The following SULF1 variants were observed in gnomAD, a reference collection of about 807,000 sequenced individuals.
SULF1 encodes sulfatase 1.
SULF1 carries 46 observed loss-of-function variants against 110.5 expected under a neutral mutation model. That is an observed-to-expected ratio of 0.42 (90% CI 0.33 to 0.53). SULF1 has a LOEUF of 0.53. SULF1 is among the 20% of genes least tolerant of loss of function. The pLI, the probability that SULF1 is intolerant of heterozygous loss-of-function variation, is 0.12. For missense variants in SULF1, 941 were observed against 1,094.2 expected (o/e 0.86, Z 1.98); for synonymous variants, 371 against 387.1 (o/e 0.96, Z 0.49).
At position 69,650,305 on chromosome 8, in the gene SULF1, C is replaced by T. The variant is rs190880860; in HGVS notation, c.2586-8200C>T. ...TCATGAACCATCGTGCCTGGCTCCTCCTGCATTTCTTAGGTAGTATTGTAC... is the reference window on the plus strand; with the variant it reads ...TCATGAACCATCGTGCCTGGCTCCTTCTGCATTTCTTAGGTAGTATTGTAC... On this transcript the variant is annotated intron_variant, in intron 22 of 22. Transcript: ENST00000402687. 2.7e-3 allele frequency among the ~76,000 whole-genome samples: 414 copies of T among 152,156 alleles called. 2 individuals carry two copies. The highest frequency in any genetic ancestry group is 9.5e-3 in the African/African-American group (396 of 41,512).
intron 8 of SULF1, among the ~76,000 whole-genome samples, chr8:69,593,299 A>G (rs1424418068): frequency 1.3e-5 from 2 of 152,222 alleles, no homozygotes; most frequent in African/African-American, 4.8e-5. Flanking sequence ...CAGCTTCCTT[A>G]GCGAAAACAT....
intron 3 of SULF1, among the ~76,000 whole-genome samples, chr8:69,527,857 C>T (rs1302802372): frequency 6.6e-6 from 1 of 152,022 alleles, no homozygotes; most frequent in Admixed American, 6.6e-5. Flanking sequence ...AACCAAATTC[C>T]TATGTGTTTC....
intron 3 of SULF1, among the ~76,000 whole-genome samples, chr8:69,532,143 C>T (rs1813129979): frequency 6.6e-6 from 1 of 152,122 alleles, no homozygotes; most frequent in Non-Finnish European, 1.5e-5. Context: ...GGCTATTCTT[C>T]GTTAAATAAA....
intron 5 of SULF1, among the ~76,000 whole-genome samples, chr8:69,569,127 A>G (rs529849167): frequency 1.3e-5 from 2 of 152,274 alleles, no homozygotes; most frequent in East Asian, 1.9e-4. Context: ...TCAACATGGC[A>G]TTTCTTACAT....
intron 8 of SULF1, among the ~76,000 whole-genome samples, chr8:69,591,942 C>A (rs1316776904): frequency 6.6e-6 from 1 of 152,178 alleles, no homozygotes; most frequent in African/African-American, 2.4e-5. Flanking sequence ...GTAACTTTGC[C>A]CCAACCTCTG....
intron 22 of SULF1, among the ~76,000 whole-genome samples, chr8:69,645,914 A>C (rs1483106368): frequency 6.6e-6 from 1 of 151,766 alleles, no homozygotes; most frequent in South Asian, 2.1e-4. Context: ...ATTATTATTT[A>C]TATTAATTCT....
At chr8:69,539,878 C>T (rs1180451347) in intron 3 of SULF1, among the ~76,000 whole-genome samples, 2 of 152,154 alleles carry the variant, frequency 1.3e-5, no homozygotes, top group Non-Finnish European at 2.9e-5. Flanking sequence ...TTTTTAATAA[C>T]AGGGCTGTTG....
At chr8:69,626,532 G>C (rs554466766) in intron 15 of SULF1, among the ~76,000 whole-genome samples, 2 of 152,356 alleles carry the variant, frequency 1.3e-5, no homozygotes, top group East Asian at 3.9e-4. Flanking sequence ...CATAGAGCAG[G>C]GGGTGGTGCT....
At chr8:69,549,023 C>G (rs929408817) in intron 3 of SULF1, among the ~76,000 whole-genome samples, 1 of 152,170 alleles carries the variant, frequency 6.6e-6, no homozygotes, top group Non-Finnish European at 1.5e-5. Context: ...ACCCTGGGCT[C>G]GACCCTATGG....
At chr8:69,650,668 A>T (rs1352471494) in intron 22 of SULF1, among the ~76,000 whole-genome samples, 1 of 152,182 alleles carries the variant, frequency 6.6e-6, no homozygotes, top group East Asian at 1.9e-4. Flanking sequence ...ATCAGTATGG[A>T]CTTAGATTCT....
intron 4 of SULF1, 151 bp downstream of exon 4, chr8:69,563,762 T>G (rs1420729973): frequency 7.8e-6 from 4 of 510,260 alleles, no homozygotes; most frequent in South Asian, 3.3e-5. Context: ...TACCCAGCAC[T>G]TGTGAGGGTT....
intron 2 of SULF1, among the ~76,000 whole-genome samples, chr8:69,497,155 CTTTTTTTTTTT>C (rs5892193): frequency 4.9e-5 from 6 of 121,710 alleles, no homozygotes; most frequent in African/African-American, 1.8e-4. Flanking sequence ...GTTCTTTTCT[CTTTTTTTTTTT>C]TTTTTTTTTG....
intron 3 of SULF1, among the ~76,000 whole-genome samples, chr8:69,525,247 C>A (rs1031822316): frequency 3.3e-5 from 5 of 152,114 alleles, no homozygotes; most frequent in African/African-American, 9.7e-5. Context: ...GCAGGTTCTG[C>A]ACCAATCTGA....
chr8:69,470,160 G>GT (rs1326281551), intron 1 of SULF1, among the ~76,000 whole-genome samples: 11 of 151,936 alleles, frequency 7.2e-5, no homozygotes, highest in African/African-American at 1.9e-4. Flanking sequence ...AGGACATCCG[G>GT]TTTTTTTTCC....
chr8:69,582,004 C>A (rs1441138283), intron 6 of SULF1, among the ~76,000 whole-genome samples: 1 of 152,026 alleles, frequency 6.6e-6, no homozygotes, highest in Non-Finnish European at 1.5e-5. Flanking sequence ...AAGCAAATAA[C>A]AAGGACTATT....
At chr8:69,507,330 C>G (rs4302851) in intron 3 of SULF1, among the ~76,000 whole-genome samples, 52,108 of 152,056 alleles carry the variant, frequency 0.34, 9,166 homozygotes, top group Non-Finnish European at 0.37. Context: ...TTGTATCGTG[C>G]TAGAGAATTT....
At chr8:69,556,266 C>T (rs1715440595) in intron 3 of SULF1, among the ~76,000 whole-genome samples, 1 of 152,178 alleles carries the variant, frequency 6.6e-6, no homozygotes, top group African/African-American at 2.4e-5. Context: ...CTAAATTTTC[C>T]AGTGTCCTTG....
intron 22 of SULF1, among the ~76,000 whole-genome samples, chr8:69,645,868 G>C (rs1811869902): frequency 2.0e-5 from 3 of 152,016 alleles, no homozygotes; most frequent in Admixed American, 2.0e-4. Context: ...TTGACCATGG[G>C]GGAGGAGTAC....
At chr8:69,579,111 A>C (rs141423686) in intron 6 of SULF1, among the ~76,000 whole-genome samples, 1 of 149,958 alleles carries the variant, frequency 6.7e-6, no homozygotes. Context: ...CAGTGAGCCA[A>C]GATCGTGCCA....
Sources: gnomAD v4.1 joint callset for allele counts (sites outside exome capture counted in the v4.1 genomes callset) on GRCh38, gnomAD v4.1.1 for gene constraint, MANE v1.5 for transcripts, NCBI Gene and HGNC (gene_info 2026-07-23, HGNC 2026-07-21) for gene names.